Variants in CATSPERD observed in about 807,000 individuals in gnomAD.
CATSPERD encodes the protein catsper channel auxiliary subunit delta, also known as cation channel sperm-associated auxiliary subunit delta.
A neutral mutation model predicts 98.1 loss-of-function variants in CATSPERD; 86 were observed. The observed-to-expected ratio is 0.88, with a 90% CI of 0.74 to 1.05. CATSPERD has a LOEUF of 1.05. Among genes scored for constraint, CATSPERD ranks in the 50% least tolerant of loss-of-function variants. The probability of loss-of-function intolerance (pLI) is 0.00; values close to 1 mark genes in which losing one functional copy is unlikely to be tolerated. For missense variants in CATSPERD, 995 were observed against 1,005.7 expected, an observed-to-expected ratio of 0.99 and a Z score of 0.14; for synonymous variants, 394 against 390.2, an observed-to-expected ratio of 1.01 and a Z score of -0.12.
chr19:5,735,496 C>T (rs557851893), intron 5 of CATSPERD, among the ~76,000 whole-genome samples: 5 of 128,894 alleles, frequency 3.9e-5, no homozygotes, highest in East Asian at 2.3e-4. Flanking sequence ...TTTTTTTTGA[C>T]GGAGTCTCGC....
chr19:5,756,235 C>A (rs887763195), intron 13 of CATSPERD, among the ~76,000 whole-genome samples: 30 of 151,084 alleles, frequency 2.0e-4, no homozygotes, highest in African/African-American at 7.0e-4. Context: ...GAGCTGAGAC[C>A]ATGCCACTGC....
At chr19:5,730,161 A>G (rs1428389723) in intron 4 of CATSPERD, among the ~76,000 whole-genome samples, 4 of 152,180 alleles carry the variant, frequency 2.6e-5, no homozygotes, top group Non-Finnish European at 5.9e-5. Flanking sequence ...CTGAAAAAGA[A>G]AAAAAGAGTG....
chr19:5,750,835 C>T (rs117182277), intron 11 of CATSPERD, among the ~76,000 whole-genome samples: 3,659 of 152,024 alleles, frequency 0.024, 59 homozygotes, highest in South Asian at 0.056. Context: ...TCCCCCAGCC[C>T]TCTCTCCCTT....
intron 12 of CATSPERD, among the ~76,000 whole-genome samples, chr19:5,753,356 C>A (rs961770580): frequency 6.6e-6 from 1 of 151,458 alleles, no homozygotes; most frequent in Non-Finnish European, 1.5e-5. Flanking sequence ...GTCAGGAGAT[C>A]GAGACCTTCC....
In CATSPERD at chr19:5,766,040, G is replaced by T. The variant is rs1417423015; in HGVS notation, c.1507-63G>T. 21 of 1,317,454 alleles carry T rather than the reference G, an allele frequency of 1.6e-5. 1 individual carries two copies. The South Asian group carries it at 2.5e-4, about 16-fold the overall frequency. The allele number at this position is 1,317,454 out of a possible 1,614,324, so 81.6% of individuals were successfully genotyped here. ...CCACAGGAGTGTGTCCCTGTATAGG[G>T]TTCACTGTGTCCGGGTGACCCTCAC... On this transcript the variant is annotated intron_variant, in intron 16 of 21. Coordinates refer to ENST00000381624, the MANE Select transcript of CATSPERD (RefSeq NM_152784.4).
chr19:5,751,330 C>A (rs1420257278), intron 11 of CATSPERD, among the ~76,000 whole-genome samples: 1 of 150,328 alleles, frequency 6.7e-6, no homozygotes, highest in East Asian at 1.9e-4. Flanking sequence ...CGACACCATC[C>A]TGGCTAACAC....
chr19:5,732,778 C>T (rs901576591), intron 4 of CATSPERD, among the ~76,000 whole-genome samples: 5 of 151,974 alleles, frequency 3.3e-5, no homozygotes, highest in East Asian at 1.9e-4. Flanking sequence ...TGGGTTCAAG[C>T]GATTCTCGTG....
intron 15 of CATSPERD, among the ~76,000 whole-genome samples, chr19:5,760,531 C>T (rs1240122341): frequency 1.3e-5 from 2 of 151,378 alleles, no homozygotes; most frequent in Non-Finnish European, 1.5e-5. Flanking sequence ...CCTAGGAGGA[C>T]CCTAGAGTGG....
chr19:5,766,347 A>G (rs2145842837), intron 17 of CATSPERD, among the ~76,000 whole-genome samples, 192 bp downstream of exon 17: 1 of 148,818 alleles, frequency 6.7e-6, no homozygotes, highest in Non-Finnish European at 1.5e-5. Context: ...GCTACTTGGG[A>G]GGCTGAGGCT....
Position 5,743,667 on chromosome 19 carries a change from CCTCTCTCTCTCTCTTCCTCTCTCTCT to C in CATSPERD, c.574-745_574-720del, listed in dbSNP as rs1345336629. On this transcript the variant is annotated intron_variant, in intron 7 of 21. Transcript: ENST00000381624. ...GTCTCTGTCTCTCTCTCTCTCTCTT[CCTCTCTCTCTCTCTTCCTCTCTCTCT>C]CTCTCTCTCTCTCTGTCTCTGTCTC... Among the ~76,000 whole-genome samples the C allele has an allele frequency of 8.2e-3, 1,066 of 129,248 alleles. 7 individuals carry two copies. The highest frequency in any genetic ancestry group is 0.013 in the Admixed American group (165 of 12,326). The allele number at this position is 129,248 out of a possible 152,430, so 84.8% of individuals were successfully genotyped here. A position where few individuals can be genotyped will look rare whatever the true frequency, so the allele number is the denominator to read the frequency against.
intron 12 of CATSPERD, among the ~76,000 whole-genome samples, chr19:5,752,555 A>C (rs1379510624): frequency 6.6e-6 from 1 of 152,170 alleles, no homozygotes; most frequent in African/African-American, 2.4e-5. Flanking sequence ...GAGATCAATC[A>C]CATCACCCAT....
chr19:5,761,338 G>A (rs1047205282), intron 15 of CATSPERD, among the ~76,000 whole-genome samples: 13 of 152,098 alleles, frequency 8.5e-5, no homozygotes, highest in African/African-American at 2.9e-4. Flanking sequence ...CTGACCTCAG[G>A]TGGTCCGTCC....
intron 8 of CATSPERD, among the ~76,000 whole-genome samples, chr19:5,744,755 C>A: frequency 6.6e-6 from 1 of 151,856 alleles, no homozygotes; most frequent in Non-Finnish European, 1.5e-5. Context: ...CTCGTGCCAC[C>A]GCGCCTGGCT....
At chr19:5,749,795 CCTAT>C (rs917331014) in intron 11 of CATSPERD, among the ~76,000 whole-genome samples, 54 of 149,346 alleles carry the variant, frequency 3.6e-4, no homozygotes, top group African/African-American at 1.2e-3. Flanking sequence ...GTGCATTATG[CCTAT>C]CTAATTTTTT....
rs149492736 is a variant in CATSPERD at position 5,748,265 on chromosome 19, C to A, written c.904+10C>A. On this transcript the variant is annotated intron_variant, in intron 10 of 21. Transcript: ENST00000381624. ...CACAACATTGCTGTCAGTGCGTAGC[C>A]GACCCACTGCTAGCCAAGAAATATT... is the stretch of plus-strand genomic sequence containing the variant. 3 of 1,609,542 alleles carry A rather than the reference C, an allele frequency of 1.9e-6. No homozygotes were observed. The highest frequency in any genetic ancestry group is 3.3e-5 in the Admixed American group (2 of 59,940).
chr19:5,726,780 T>G (rs1436283642), intron 2 of CATSPERD, among the ~76,000 whole-genome samples: 1 of 152,188 alleles, frequency 6.6e-6, no homozygotes, highest in Non-Finnish European at 1.5e-5. Flanking sequence ...TTCTGCCAGC[T>G]TCCCCCAGCA....
intron 13 of CATSPERD, 74 bp from the exon 14 acceptor site, chr19:5,757,769 C>G (rs974894170): frequency 9.0e-7 from 1 of 1,116,812 alleles, no homozygotes; most frequent in Non-Finnish European, 1.3e-6. Context: ...GTGTGCTGGG[C>G]TCACTGTGGG....
At chr19:5,732,136 G>T (rs943858949) in intron 4 of CATSPERD, among the ~76,000 whole-genome samples, 1 of 151,548 alleles carries the variant, frequency 6.6e-6, no homozygotes, top group African/African-American at 2.4e-5. Context: ...ACCACGCCTG[G>T]CTAATTTTTG....
intron 7 of CATSPERD, among the ~76,000 whole-genome samples, chr19:5,743,227 CA>C (rs1226650260): frequency 1.3e-5 from 2 of 152,030 alleles, no homozygotes; most frequent in Admixed American, 1.3e-4. Context: ...CGATTGAACC[CA>C]GGAGGCGGAG....
Sources: allele counts gnomAD v4.1 joint callset (sites outside exome capture counted in the v4.1 genomes callset), GRCh38; gene constraint gnomAD v4.1.1; transcripts MANE v1.5; gene names NCBI Gene and HGNC (gene_info 2026-07-23, HGNC 2026-07-21).